Variants in PVR observed in about 807,000 individuals in gnomAD.
The protein encoded by PVR is poliovirus receptor.
In PVR, 39 loss-of-function variants were observed where a neutral mutation model predicts 43.3. That is an observed-to-expected ratio of 0.90 (90% confidence interval 0.70 to 1.18). The LOEUF (loss-of-function observed/expected upper bound fraction) is 1.18, where lower values mean the gene tolerates loss of function less well. PVR is among the 50% of genes most tolerant of loss of function. The pLI is 0.00. For synonymous variants in PVR, 224 were observed against 233.2 expected (o/e 0.96, Z 0.36); for missense variants, 480 against 549.7 (o/e 0.87, Z 1.27).
At position 44,644,086 on chromosome 19, in the gene PVR, G is replaced by T; in HGVS notation, c.-11G>T. The T allele has an allele frequency of 6.6e-7, 1 of 1,510,350 alleles. No individual in the cohort carries two copies. The highest frequency in any genetic ancestry group is 1.2e-5 in the South Asian group (1 of 81,684). The allele number at this position is 1,510,350 out of a possible 1,614,324, so 93.6% of individuals were successfully genotyped here. On this transcript the variant is annotated 5_prime_UTR_variant, in exon 1 of 8. Transcript: ENST00000425690. ...CGCCCGCGGGAGGCCCAGCTGCTCG[G>T]AGCAACTGGCATGGCCCGAGCCATG...
chr19:44,656,935 T>C (rs540173461), intron 4 of PVR, among the ~76,000 whole-genome samples: 1 of 152,130 alleles, frequency 6.6e-6, no homozygotes, highest in African/African-American at 2.4e-5. Flanking sequence ...ATGGTGCCAC[T>C]GCACTCCAGC....
chr19:44,644,059 G>C lies in PVR; in HGVS notation c.-38G>C. 1 of 1,491,940 alleles carries C rather than the reference G, an allele frequency of 6.7e-7. No individual in the cohort carries two copies. The highest frequency in any genetic ancestry group is 8.9e-7 in the Non-Finnish European group (1 of 1,124,786). The allele number at this position is 1,491,940 out of a possible 1,614,324, so 92.4% of individuals were successfully genotyped here. On this transcript the variant is annotated 5_prime_UTR_variant, in exon 1 of 8. Coordinates refer to ENST00000425690, the MANE Select transcript of PVR (RefSeq NM_006505.5). The stretch of plus-strand genomic sequence containing the variant: ...GCGAGCGGGCGCCGGGAAGCGAGGA[G>C]ACGCCCGCGGGAGGCCCAGCTGCTC...
chr19:44,649,864 G>A lies in PVR; in HGVS notation c.483G>A (p.Val161=). ...VQKVQLTGEP[V]PMARCVSTGG... is the part of the protein sequence containing the mutation. Reference sequence around the variant, plus strand: ...AGGTCCAGCTCACTGGAGAGCCAGTGCCCATGGCCCGCTGCGTCTCCACAG... The same window carrying A: ...AGGTCCAGCTCACTGGAGAGCCAGTACCCATGGCCCGCTGCGTCTCCACAG... The change falls in exon 3 of 8, where the codon GTG becomes GTA. Residue 161 remains valine (V), a synonymous_variant. Transcript: ENST00000425690. 10 of 1,614,068 alleles carry A rather than the reference G, an allele frequency of 6.2e-6. No homozygotes were observed. Among genetic ancestry groups the A allele is most frequent in the Non-Finnish European group, 8.5e-6 (10 of 1,179,994 alleles).
intron 3 of PVR, 113 bp from the exon 4 acceptor site, chr19:44,653,786 TC>T: frequency 2.7e-6 from 2 of 743,878 alleles, no homozygotes; most frequent in Non-Finnish European, 4.8e-6. Flanking sequence ...CCTCTCCAGC[TC>T]CCGCTGTTTT....
chr19:44,655,051 A>G (rs1199578369), intron 4 of PVR, among the ~76,000 whole-genome samples: 1 of 149,788 alleles, frequency 6.7e-6, no homozygotes, highest in Non-Finnish European at 1.5e-5. Flanking sequence ...ACATAATTTT[A>G]TAATACATAA....
chr19:44,658,942 G>T (rs768595229), intron 6 of PVR, 42 bp downstream of exon 6: 5 of 1,589,022 alleles, frequency 3.1e-6, no homozygotes, highest in East Asian at 4.5e-5. Context: ...ACCTACTACG[G>T]GCTCTGTGCT....
Position 44,661,280 on chromosome 19 carries a change from C to T in PVR, c.1151-12C>T, listed in dbSNP as rs1973583255. On this transcript the variant is annotated splice_polypyrimidine_tract_variant and intron_variant, in intron 6 of 7. Coordinates refer to ENST00000425690, the MANE Select transcript of PVR (RefSeq NM_006505.5). The stretch of plus-strand genomic sequence containing the variant: ...TATTCCTTCCTGACGACTTCCCCTC[C>T]TATTTCCCCAGGTACAGAGCATGCC... The T allele has an allele frequency of 6.2e-7, 1 of 1,612,856 alleles. No individual in the cohort carries two copies. The highest frequency in any genetic ancestry group is 1.3e-5 in the African/African-American group (1 of 75,002).
chr19:44,660,093 C>G (rs924138387), intron 6 of PVR, among the ~76,000 whole-genome samples: 1 of 152,170 alleles, frequency 6.6e-6, no homozygotes, highest in Non-Finnish European at 1.5e-5. Context: ...GGGTCATCAC[C>G]GTGGGGGACT....
chr19:44,646,909 T>C (rs1973131727), intron 1 of PVR, among the ~76,000 whole-genome samples: 1 of 152,232 alleles, frequency 6.6e-6, no homozygotes. Flanking sequence ...TTAACCACAA[T>C]ATTTACCACA....
Position 44,649,835 on chromosome 19 carries a change from C to T in PVR, c.454C>T (p.Gln152Ter). Reference protein sequence around the residue: ...LAKPQNTAEVQKVQLTGEPVP... With the variant: ...LAKPQNTAEV ...CAAGCCCCAGAACACAGCTGAGGTT[C>T]AGAAGGTCCAGCTCACTGGAGAGCC... Residue 152 changes from glutamine to a stop codon, truncating the protein, a stop_gained, in exon 3 of 8, where the codon CAG becomes TAG. Coordinates refer to ENST00000425690, the MANE Select transcript of PVR (RefSeq NM_006505.5). LOFTEE classifies it high-confidence loss of function. The T allele has an allele frequency of 1.2e-6, 2 of 1,614,048 alleles. No individual in the cohort carries two copies. The highest frequency in any genetic ancestry group is 1.7e-6 in the Non-Finnish European group (2 of 1,179,988).
rs1365908847 is a variant in PVR at position 44,664,825 on chromosome 19, T to C, written c.*3014T>C. 1 of 152,100 alleles carries C rather than the reference T, an allele frequency of 6.6e-6. No homozygotes were observed. The highest frequency in any genetic ancestry group is 1.5e-5 in the Non-Finnish European group (1 of 68,030). 9.4% of individuals were successfully genotyped at this position (152,100 alleles called of 1,614,324 possible). A position where few individuals can be genotyped will look rare whatever the true frequency, so the allele number is the denominator to read the frequency against. ...TGGCCTCCTAAAGTACTGGGATTTA[T>C]AGGCATAAGCCACCGTGCCTGGCCA... On this transcript the variant is annotated 3_prime_UTR_variant, in exon 8 of 8. Coordinates refer to ENST00000425690, the MANE Select transcript of PVR (RefSeq NM_006505.5).
chr19:44,654,167 G>A (rs981244424), intron 4 of PVR, 150 bp downstream of exon 4: 13 of 607,544 alleles, frequency 2.1e-5, no homozygotes, highest in Middle Eastern at 4.5e-4. Flanking sequence ...CTGGGAGCCC[G>A]GACTCCTGGG....
chr19:44,662,078 A>C lies in PVR; in HGVS notation c.*267A>C, dbSNP rs951262221. The C allele has an allele frequency of 1.0e-4, 51 of 488,916 alleles. No homozygotes were observed. Among genetic ancestry groups the C allele is most frequent in the Non-Finnish European group, 1.8e-4 (47 of 268,266 alleles). The allele number at this position is 488,916 out of a possible 1,614,324, so 30.3% of individuals were successfully genotyped here. A position where few individuals can be genotyped will look rare whatever the true frequency, so the allele number is the denominator to read the frequency against. Reference sequence around the variant, plus strand: ...CAGTAAAAGGACAGAGATTAAGATCAGCAAAGGGAGGAGGTGCACAGCACA... The same window carrying C: ...CAGTAAAAGGACAGAGATTAAGATCCGCAAAGGGAGGAGGTGCACAGCACA... On this transcript the variant is annotated 3_prime_UTR_variant, in exon 8 of 8. Coordinates refer to ENST00000425690, the MANE Select transcript of PVR (RefSeq NM_006505.5).
intron 3 of PVR, among the ~76,000 whole-genome samples, chr19:44,651,968 C>T (rs1973292379): frequency 6.6e-6 from 1 of 151,732 alleles, no homozygotes; most frequent in Non-Finnish European, 1.5e-5. Flanking sequence ...CCAGCCTGAT[C>T]AATGTGGTGA....
chr19:44,645,327 A>G (rs1973078616), intron 1 of PVR, among the ~76,000 whole-genome samples: 1 of 119,688 alleles, frequency 8.4e-6, no homozygotes, highest in Non-Finnish European at 1.6e-5. Flanking sequence ...TATAACATAT[A>G]TTATTTATAT....
Position 44,661,748 on chromosome 19 carries a change from C to A in PVR, c.1191C>A (p.Ser397=). The A allele has an allele frequency of 1.2e-6, 2 of 1,614,046 alleles. No individual in the cohort carries two copies. The highest frequency in any genetic ancestry group is 1.7e-6 in the Non-Finnish European group (2 of 1,179,958). ...HASASANGHV[S]YSAVSRENSS... The stretch of plus-strand genomic sequence containing the variant: ...TGAAAACCCTCTTCTAGCATGTCTC[C>A]TATTCAGCTGTGAGCAGAGAGAACA... Residue 397 remains serine (S), a synonymous_variant, in exon 8 of 8, where the codon TCC becomes TCA. Coordinates refer to ENST00000425690, the MANE Select transcript of PVR (RefSeq NM_006505.5).
chr19:44,650,981 T>C (rs1973266664), intron 3 of PVR, among the ~76,000 whole-genome samples: 1 of 151,934 alleles, frequency 6.6e-6, no homozygotes, highest in African/African-American at 2.4e-5. Context: ...GCAATCCTTC[T>C]CCCTCAGCCT....
intron 1 of PVR, among the ~76,000 whole-genome samples, chr19:44,646,496 G>A (rs1973117777): frequency 6.6e-6 from 1 of 152,172 alleles, no homozygotes; most frequent in Non-Finnish European, 1.5e-5. Flanking sequence ...CAGGTGCGGT[G>A]GCTCATACCT....
At chr19:44,647,749 G>A (rs1189350485) in intron 2 of PVR, among the ~76,000 whole-genome samples, 179 bp downstream of exon 2, 1 of 150,210 alleles carries the variant, frequency 6.7e-6, no homozygotes, top group Non-Finnish European at 1.5e-5. Flanking sequence ...GAGGTGAGTG[G>A]GGGGAGGGGC....
Sources: allele counts gnomAD v4.1 joint callset (sites outside exome capture counted in the v4.1 genomes callset), GRCh38; gene constraint gnomAD v4.1.1; transcripts MANE v1.5; gene names NCBI Gene and HGNC (gene_info 2026-07-23, HGNC 2026-07-21).